Variants in FOXN2 observed in about 807,000 individuals in gnomAD.
FOXN2 encodes forkhead box protein N2.
A neutral mutation model predicts 41.2 loss-of-function variants in FOXN2; 19 were observed. The observed-to-expected ratio is 0.46, with a 90% confidence interval of 0.32 to 0.68. The LOEUF (loss-of-function observed/expected upper bound fraction) is 0.68, where lower values mean the gene tolerates loss of function less well. Ranked by LOEUF, FOXN2 falls within the 30% of genes least tolerant of loss-of-function variation. The pLI, the probability that FOXN2 is intolerant of heterozygous loss-of-function variation, is 0.03. For synonymous variants in FOXN2, 195 were observed against 176.8 expected (o/e 1.10, Z -0.82); for missense variants, 587 against 509.4 (o/e 1.15, Z -1.47).
intron 1 of FOXN2, among the ~76,000 whole-genome samples, chr2:48,327,899 A>G (rs1276163615): frequency 6.6e-6 from 1 of 152,198 alleles, no homozygotes; most frequent in Non-Finnish European, 1.5e-5. Context: ...TACATATAAA[A>G]TCAATATATT....
intron 2 of FOXN2, among the ~76,000 whole-genome samples, chr2:48,338,011 T>A (rs1336648634): frequency 6.6e-6 from 1 of 152,202 alleles, no homozygotes; most frequent in Non-Finnish European, 1.5e-5. Flanking sequence ...ATTTCATCCA[T>A]GCACCATAGA....
intron 6 of FOXN2, among the ~76,000 whole-genome samples, 193 bp from the exon 7 acceptor site, chr2:48,374,727 T>C (rs1673122063): frequency 6.6e-6 from 1 of 152,214 alleles, no homozygotes; most frequent in Admixed American, 6.5e-5. Context: ...GTCAAGACAT[T>C]GTTAAATGGT....
intron 3 of FOXN2, among the ~76,000 whole-genome samples, chr2:48,350,359 G>A (rs1049349708): frequency 6.6e-6 from 1 of 152,226 alleles, no homozygotes; most frequent in Non-Finnish European, 1.5e-5. Context: ...ATCATCAGCA[G>A]ATTTGAGCAT....
chr2:48,316,211 T>A (rs1353265967), intron 1 of FOXN2, among the ~76,000 whole-genome samples: 1 of 152,186 alleles, frequency 6.6e-6, no homozygotes, highest in African/African-American at 2.4e-5. Context: ...ACCTTGCAGT[T>A]CTCCTAAGGT....
At chr2:48,347,794 T>C (rs1671211389) in intron 3 of FOXN2, among the ~76,000 whole-genome samples, 1 of 152,224 alleles carries the variant, frequency 6.6e-6, no homozygotes, top group Non-Finnish European at 1.5e-5. Flanking sequence ...TCAGTTTTGC[T>C]GGCAATGGTT....
chr2:48,351,662 T>G (rs1671457734), intron 3 of FOXN2, among the ~76,000 whole-genome samples: 1 of 152,072 alleles, frequency 6.6e-6, no homozygotes, highest in South Asian at 2.1e-4. Context: ...ACAATAGGGT[T>G]TGAGCTCCTG....
At chr2:48,340,935 C>T (rs775155483) in intron 2 of FOXN2, 6 of 152,078 alleles carry the variant, frequency 3.9e-5, no homozygotes, top group African/African-American at 1.4e-4. Flanking sequence ...GTGTATAGTA[C>T]ATTTATCTAC....
rs188900625 is a variant in FOXN2, at chr2:48,357,636, T to C, written c.538-1411T>C. Among the ~76,000 whole-genome samples the C allele has an allele frequency of 7.2e-3, 1,089 of 152,088 alleles. 11 individuals carry two copies. The highest frequency in any genetic ancestry group is 0.01 in the Non-Finnish European group (711 of 67,970). On this transcript the variant is annotated intron_variant, in intron 3 of 6. Coordinates refer to ENST00000340553, the MANE Select transcript of FOXN2 (RefSeq NM_002158.4). ...TATTTTTGTAGAGACAGAGTTTTGC[T>C]ATGTTGCTTAAGCTGCTCTTGAACT... is the stretch of plus-strand genomic sequence containing the variant.
At chr2:48,321,994 C>T (rs1255931712) in intron 1 of FOXN2, among the ~76,000 whole-genome samples, 1 of 152,080 alleles carries the variant, frequency 6.6e-6, no homozygotes, top group Non-Finnish European at 1.5e-5. Flanking sequence ...TGTTGCCCAG[C>T]CTGGAGCACA....
At chr2:48,326,663 G>A (rs1669696816) in intron 1 of FOXN2, among the ~76,000 whole-genome samples, 1 of 152,140 alleles carries the variant, frequency 6.6e-6, no homozygotes, top group Admixed American at 6.5e-5. Flanking sequence ...TTTTCTGAGT[G>A]CCAACATGCC....
chr2:48,324,260 A>G (rs149210155), intron 1 of FOXN2, among the ~76,000 whole-genome samples: 1,750 of 148,864 alleles, frequency 0.012, 42 homozygotes, highest in African/African-American at 0.041. Context: ...CAGTGGCACA[A>G]TCTTGCTCAC....
At chr2:48,322,004 A>G (rs1237745996) in intron 1 of FOXN2, among the ~76,000 whole-genome samples, 3 of 152,226 alleles carry the variant, frequency 2.0e-5, no homozygotes, top group Non-Finnish European at 4.4e-5. Context: ...CCTGGAGCAC[A>G]GTGGCGTGAT....
chr2:48,317,688 A>C (rs919364491), intron 1 of FOXN2, among the ~76,000 whole-genome samples: 1 of 121,728 alleles, frequency 8.2e-6, no homozygotes, highest in African/African-American at 3.2e-5. Flanking sequence ...GCTCACTGCA[A>C]CCTCCACCTC....
chr2:48,315,187 G>A (rs978527767), intron 1 of FOXN2, among the ~76,000 whole-genome samples: 6 of 152,104 alleles, frequency 3.9e-5, no homozygotes, highest in Non-Finnish European at 8.8e-5. Flanking sequence ...GGACCCTCAG[G>A]GCTCGGCTCG....
At chr2:48,319,940 A>C (rs1272354827) in intron 1 of FOXN2, among the ~76,000 whole-genome samples, 1 of 151,376 alleles carries the variant, frequency 6.6e-6, no homozygotes, top group African/African-American at 2.4e-5. Flanking sequence ...CCAATCTTTA[A>C]ATTAAATTTT....
chr2:48,366,485 G>T (rs1672546435), intron 5 of FOXN2, among the ~76,000 whole-genome samples: 1 of 152,120 alleles, frequency 6.6e-6, no homozygotes, highest in South Asian at 2.1e-4. Flanking sequence ...TTGTCTGGCA[G>T]TTGCTAGGAA....
chr2:48,342,855 A>G (rs940696542), intron 2 of FOXN2, among the ~76,000 whole-genome samples: 1 of 152,192 alleles, frequency 6.6e-6, no homozygotes, highest in Non-Finnish European at 1.5e-5. Context: ...TAATGTCAAT[A>G]CTTGGTTTTT....
intron 5 of FOXN2, 116 bp from the exon 6 acceptor site, chr2:48,373,176 C>A: frequency 2.9e-6 from 2 of 686,036 alleles, no homozygotes; most frequent in Non-Finnish European, 2.5e-6. Flanking sequence ...TGCGTTTATG[C>A]TTTCTTAGAA....
chr2:48,328,065 G>T lies in FOXN2; in HGVS notation c.-156-496G>T, dbSNP rs536708226. ...TCTTTTCAGTGGAGCAATTTATTTG[G>T]CTATAGGTGATATACTGCATGACTA... On this transcript the variant is annotated intron_variant, in intron 1 of 6. Coordinates refer to ENST00000340553, the MANE Select transcript of FOXN2 (RefSeq NM_002158.4). Among the ~76,000 whole-genome samples, 105 of 152,198 alleles carry T rather than the reference G, an allele frequency of 6.9e-4. 1 individual carries two copies. The highest frequency in any genetic ancestry group is 7.7e-4 in the East Asian group (4 of 5,182).
Sources: gnomAD v4.1 joint callset for allele counts (sites outside exome capture counted in the v4.1 genomes callset) on GRCh38, gnomAD v4.1.1 for gene constraint, MANE v1.5 for transcripts, NCBI Gene and HGNC (gene_info 2026-07-23, HGNC 2026-07-21) for gene names.